Variants in BTBD9 observed in about 807,000 individuals in gnomAD.
BTBD9 encodes BTB domain containing 9.
BTBD9 carries 49 observed loss-of-function variants against 64.3 expected under a neutral mutation model. That is an observed-to-expected ratio of 0.76 (90% CI 0.61 to 0.97). The LOEUF (loss-of-function observed/expected upper bound fraction) is 0.97, where lower values mean the gene tolerates loss of function less well. Ranked by LOEUF, BTBD9 falls within the 50% of genes least tolerant of loss-of-function variation. The pLI, the probability that BTBD9 is intolerant of heterozygous loss-of-function variation, is 0.00. For synonymous variants in BTBD9, 260 were observed against 274.7 expected, an observed-to-expected ratio of 0.95 and a Z score of 0.53; for missense variants, 598 against 762.1, an observed-to-expected ratio of 0.78 and a Z score of 2.53.
At position 38,484,782 on chromosome 6, in the gene BTBD9, A is replaced by G. The variant is rs1339278863; in HGVS notation, c.1154+92818T>C. On this transcript the variant is annotated intron_variant, in intron 6 of 10. Coordinates refer to ENST00000481247, the MANE Select transcript of BTBD9 (RefSeq NM_001099272.2). ...TACTTTATTGCTAAAAAATGTTAAC[A>G]ATCATCTGAGTCTCAAGTGAGTCAT... Among the ~76,000 whole-genome samples, 63 of 152,368 alleles carry G rather than the reference A, an allele frequency of 4.1e-4. 1 individual carries two copies. Among genetic ancestry groups the G allele is most frequent in the African/African-American group, 2.4e-5 (1 of 41,592 alleles).
At chr6:38,486,110 A>G (rs961355083) in intron 6 of BTBD9, among the ~76,000 whole-genome samples, 17 of 152,172 alleles carry the variant, frequency 1.1e-4, no homozygotes, top group Admixed American at 1.0e-3. Flanking sequence ...GCTAGCTCTA[A>G]GCTTTTGTTT....
At chr6:38,307,669 C>A (rs1395376147) in intron 7 of BTBD9, among the ~76,000 whole-genome samples, 3 of 152,190 alleles carry the variant, frequency 2.0e-5, no homozygotes, top group Non-Finnish European at 4.4e-5. Flanking sequence ...GTATTCTGAT[C>A]TTTCCTGTTC....
intron 9 of BTBD9, among the ~76,000 whole-genome samples, chr6:38,216,339 T>C (rs74600107): frequency 6.6e-6 from 1 of 152,282 alleles, no homozygotes; most frequent in East Asian, 1.9e-4. Flanking sequence ...ATGCCCCAAT[T>C]AGCAGACAGA....
At chr6:38,302,521 ATATC>A (rs1762451558) in intron 7 of BTBD9, among the ~76,000 whole-genome samples, 1 of 115,618 alleles carries the variant, frequency 8.6e-6, no homozygotes, top group African/African-American at 3.0e-5. Context: ...ATATATATAT[ATATC>A]ACATTCTCTT....
intron 6 of BTBD9, among the ~76,000 whole-genome samples, chr6:38,407,135 T>C (rs1393953108): frequency 2.0e-5 from 3 of 152,256 alleles, no homozygotes; most frequent in Non-Finnish European, 4.4e-5. Flanking sequence ...TTTAATTTTA[T>C]TTTCCTACAG....
intron 6 of BTBD9, among the ~76,000 whole-genome samples, chr6:38,552,960 GTATTTGTATAGTA>G: frequency 6.6e-6 from 1 of 152,236 alleles, no homozygotes; most frequent in Non-Finnish European, 1.5e-5. Flanking sequence ...AAATGGCACA[GTATTTGTATAGTA>G]TAACCTACAC....
At chr6:38,508,454 C>G (rs942761035) in intron 6 of BTBD9, among the ~76,000 whole-genome samples, 2 of 151,912 alleles carry the variant, frequency 1.3e-5, no homozygotes, top group African/African-American at 4.8e-5. Flanking sequence ...GGAATTTGTC[C>G]ACTTCTCTTC....
intron 7 of BTBD9, among the ~76,000 whole-genome samples, chr6:38,335,441 C>T (rs541462070): frequency 1.3e-5 from 2 of 151,686 alleles, no homozygotes; most frequent in South Asian, 2.1e-4. Flanking sequence ...TTAGTAGAGA[C>T]AGGGTTTTGC....
rs980161677 is a variant in BTBD9, at chr6:38,174,933, G to A, written c.*52C>T. 5.0e-6 allele frequency: 8 copies of A among 1,597,544 alleles called. No homozygotes were observed. The highest frequency in any genetic ancestry group is 1.7e-5 in the Admixed American group (1 of 59,304). On this transcript the variant is annotated 3_prime_UTR_variant, in exon 11 of 11. Transcript: ENST00000481247. ...GAGACCCCTGCTCAGGGAGGAGACC[G>A]TTTCCTGCCGTTGCCCGAGCCCACC... is the stretch of plus-strand genomic sequence containing the variant.
chr6:38,568,960 T>C (rs537904538), intron 6 of BTBD9, among the ~76,000 whole-genome samples: 13 of 152,318 alleles, frequency 8.5e-5, no homozygotes, highest in Admixed American at 5.2e-4. Flanking sequence ...AAAGAGAAGA[T>C]TGTCATTTAT....
chr6:38,383,201 T>C (rs1766011524), intron 6 of BTBD9, among the ~76,000 whole-genome samples: 3 of 152,352 alleles, frequency 2.0e-5, no homozygotes, highest in South Asian at 2.1e-4. Flanking sequence ...GTGCTAGGTA[T>C]ATTCAACATT....
chr6:38,455,838 C>T (rs771144660), intron 6 of BTBD9, among the ~76,000 whole-genome samples: 2 of 152,062 alleles, frequency 1.3e-5, no homozygotes, highest in East Asian at 1.9e-4. Context: ...CCACAACACC[C>T]GGCTAATTTT....
intron 4 of BTBD9, 57 bp downstream of exon 4, chr6:38,592,519 A>G: frequency 6.3e-7 from 1 of 1,586,470 alleles, no homozygotes; most frequent in East Asian, 2.2e-5. Flanking sequence ...TGCGGTTTTA[A>G]TGGCATGAGA....
chr6:38,570,233 G>C (rs1775701362), intron 6 of BTBD9, among the ~76,000 whole-genome samples: 1 of 152,144 alleles, frequency 6.6e-6, no homozygotes, highest in Non-Finnish European at 1.5e-5. Flanking sequence ...CTACAGGATT[G>C]CTGGAAACTG....
At chr6:38,371,717 GAAAATAATGTAAACAAGGTCAGCTCAC>G (rs1370538332) in intron 6 of BTBD9, among the ~76,000 whole-genome samples, 3 of 152,136 alleles carry the variant, frequency 2.0e-5, no homozygotes, top group African/African-American at 7.2e-5. Flanking sequence ...CCAGCACATT[GAAAATAATGTAAACAAGGTCAGCTCAC>G]AAAATAAGGC....
Position 38,559,605 on chromosome 6 carries a change from A to C in BTBD9, c.1154+17995T>G, listed in dbSNP as rs1285297365. ...TAAAATTCACATGGAACCAAAAAAG[A>C]GCCTGAATAGCTAAAGAAAATCCTA... On this transcript the variant is annotated intron_variant, in intron 6 of 10. Transcript: ENST00000481247. Among the ~76,000 whole-genome samples, 4 of 152,138 alleles carry C rather than the reference A, an allele frequency of 2.6e-5. No individual in the cohort carries two copies. The East Asian group carries it at 7.7e-4, about 29-fold the overall frequency.
chr6:38,616,375 C>A (rs775821219), intron 1 of BTBD9, among the ~76,000 whole-genome samples: 1 of 152,158 alleles, frequency 6.6e-6, no homozygotes, highest in Non-Finnish European at 1.5e-5. Flanking sequence ...TCAGACCCAA[C>A]GCCTACTTTT....
intron 6 of BTBD9, among the ~76,000 whole-genome samples, chr6:38,425,779 T>C (rs13199002): frequency 0.099 from 14,931 of 150,788 alleles, 877 homozygotes; most frequent in African/African-American, 0.12. Context: ...TAGCAGGGCT[T>C]GGTGGTGTGT....
chr6:38,245,364 AG>A (rs1420072836), intron 9 of BTBD9, among the ~76,000 whole-genome samples: 3 of 152,148 alleles, frequency 2.0e-5, no homozygotes, highest in African/African-American at 7.2e-5. Context: ...TGAGCTGAGA[AG>A]GGTAAGTGGG....
Sources: allele counts gnomAD v4.1 joint callset (sites outside exome capture counted in the v4.1 genomes callset), GRCh38; gene constraint gnomAD v4.1.1; transcripts MANE v1.5; gene names NCBI Gene and HGNC (gene_info 2026-07-23, HGNC 2026-07-21).